COMT: variants seen among roughly 807,000 people sequenced by gnomAD.
The protein encoded by COMT is catechol O-methyltransferase.
Under a neutral mutation model 18.9 loss-of-function variants are expected in COMT, and 13 were observed. The ratio of observed to expected loss-of-function variants is 0.69; its 90% CI spans 0.45 to 1.09. COMT has a LOEUF of 1.09. COMT is among the 50% of genes least tolerant of loss of function. The probability of loss-of-function intolerance (pLI) is 0.00; values close to 1 mark genes in which losing one functional copy is unlikely to be tolerated. For synonymous variants in COMT, 150 were observed against 160.9 expected, an observed-to-expected ratio of 0.93 and a Z score of 0.51; for missense variants, 329 against 361.8, an observed-to-expected ratio of 0.91 and a Z score of 0.73.
chr22:19,963,592 G>A lies in COMT; in HGVS notation c.316G>A (p.Glu106Lys), dbSNP rs1490987788. Reference protein sequence around the residue: ...KGKIVDAVIQEHQPSVLLELG... With the variant: ...KGKIVDAVIQKHQPSVLLELG... The stretch of plus-strand genomic sequence containing the variant: ...CAAGATCGTGGACGCCGTGATTCAG[G>A]AGCACCAGCCCTCCGTGCTGCTGGA... Residue 106 changes from glutamate (E) to lysine (K), a missense_variant, in exon 4 of 6, where the codon GAG becomes AAG. Physicochemically the swap from Glu to Lys is moderately conservative, Grantham distance 56 (BLOSUM62 1). Coordinates refer to ENST00000361682, the MANE Select transcript of COMT (RefSeq NM_000754.4). The A allele has an allele frequency of 2.5e-6, 4 of 1,612,788 alleles. No homozygotes were observed. In the East Asian group the frequency reaches 6.7e-5, roughly 27 times the overall value.
chr22:19,964,022 TAAAGA>T, intron 4 of COMT, 141 bp from the exon 5 acceptor site: 1 of 1,528,906 alleles, frequency 6.5e-7, no homozygotes, highest in Middle Eastern at 1.8e-4. Context: ...CCCAGAACCC[TAAAGA>T]AAACTGATGA....
chr22:19,949,728 A>G (rs907036281), intron 1 of COMT, among the ~76,000 whole-genome samples: 6 of 152,046 alleles, frequency 3.9e-5, no homozygotes, highest in African/African-American at 1.4e-4. Context: ...CCCCTAAAGC[A>G]CTGAGATTAC....
intron 1 of COMT, among the ~76,000 whole-genome samples, chr22:19,959,454 C>T (rs959265698): frequency 6.6e-6 from 1 of 152,226 alleles, no homozygotes; most frequent in African/African-American, 2.4e-5. Context: ...GCGTCCCTCC[C>T]GGCCCAGTGG....
chr22:19,952,389 C>G (rs901391673), intron 1 of COMT, among the ~76,000 whole-genome samples: 1 of 152,128 alleles, frequency 6.6e-6, no homozygotes, highest in Non-Finnish European at 1.5e-5. Context: ...CCTGTAATCC[C>G]AGCACTTTGG....
Position 19,968,521 on chromosome 22 carries a change from C to CCGGTCTG in COMT, c.616-14_616-8dup. 1 of 1,612,582 alleles carries CCGGTCTG rather than the reference C, an allele frequency of 6.2e-7. No individual in the cohort carries two copies. Among genetic ancestry groups the CCGGTCTG allele is most frequent in the Non-Finnish European group, 8.5e-7 (1 of 1,179,444 alleles). On this transcript the variant is annotated splice_polypyrimidine_tract_variant and intron_variant, in intron 5 of 5. Coordinates refer to ENST00000361682, the MANE Select transcript of COMT (RefSeq NM_000754.4). The stretch of plus-strand genomic sequence containing the variant: ...CTCTGACCCTCACCTCCCCCACCCC[C>CCGGTCTG]CGGTCTGTTTGCAGGAATGTGGCCT...
chr22:19,945,129 G>T (rs1440083212), intron 1 of COMT, among the ~76,000 whole-genome samples: 1 of 152,168 alleles, frequency 6.6e-6, no homozygotes, highest in East Asian at 1.9e-4. Flanking sequence ...AGCCTTTCGA[G>T]GTTAGGAAGC....
At chr22:19,962,977 C>A in intron 3 of COMT, 162 bp downstream of exon 3, 1 of 904,374 alleles carries the variant, frequency 1.1e-6, no homozygotes, top group Non-Finnish European at 1.6e-6. Context: ...CCCAGGGTGC[C>A]AGGGTCCCTG....
chr22:19,949,005 C>T (rs1035083308), intron 1 of COMT, among the ~76,000 whole-genome samples: 10 of 149,652 alleles, frequency 6.7e-5, no homozygotes, highest in Admixed American at 2.0e-4. Context: ...TACATAAATC[C>T]ATTCAATGAT....
intron 1 of COMT, 103 bp downstream of exon 1, chr22:19,942,000 G>A (rs1039383716): frequency 2.1e-6 from 1 of 472,558 alleles, no homozygotes. Flanking sequence ...AATTCGGACC[G>A]CTGTGAAGTG....
At chr22:19,944,456 G>A (rs1007256252) in intron 1 of COMT, among the ~76,000 whole-genome samples, 1 of 152,042 alleles carries the variant, frequency 6.6e-6, no homozygotes, top group Non-Finnish European at 1.5e-5. Flanking sequence ...CTTGAACTGG[G>A]AGGTGGGGGG....
Position 19,969,719 on chromosome 22 carries a change from G to A in COMT, c.*983G>A. 1.8e-6 allele frequency: 1 copy of A among 548,542 alleles called. No individual in the cohort carries two copies. The highest frequency in any genetic ancestry group is 2.3e-6 in the Non-Finnish European group (1 of 431,200). The allele number at this position is 548,542 out of a possible 1,614,324, so 34.0% of individuals were successfully genotyped here. A position where few individuals can be genotyped will look rare whatever the true frequency, so the allele number is the denominator to read the frequency against. ...CACTCCTATGGATAGACAGACCAGTGAGCCCAAGTGGACAAGTTTGGGGCC... is the reference window on the plus strand; with the variant it reads ...CACTCCTATGGATAGACAGACCAGTAAGCCCAAGTGGACAAGTTTGGGGCC... On this transcript the variant is annotated 3_prime_UTR_variant, in exon 6 of 6. Transcript: ENST00000361682.
intron 5 of COMT, chr22:19,966,965 C>A: frequency 1.0e-6 from 1 of 985,452 alleles, no homozygotes; most frequent in Non-Finnish European, 1.2e-6. Flanking sequence ...TGCTCAGACG[C>A]TGATGCATGT....
Position 19,944,336 on chromosome 22 carries a change from C to T in COMT, c.-92+2439C>T, listed in dbSNP as rs34937293. The stretch of plus-strand genomic sequence containing the variant: ...CCGAGGTGGGCAAATCACCCGAGTC[C>T]AGAAGTTCGAGACCAGCCTGGCTAA... On this transcript the variant is annotated intron_variant, in intron 1 of 5. Coordinates refer to ENST00000361682, the MANE Select transcript of COMT (RefSeq NM_000754.4). 2.0e-5 allele frequency among the ~76,000 whole-genome samples: 3 copies of T among 151,872 alleles called. No homozygotes were observed. In the East Asian group the frequency reaches 5.8e-4, roughly 29 times the overall value.
At chr22:19,948,237 GC>G (rs1203304519) in intron 1 of COMT, among the ~76,000 whole-genome samples, 2 of 152,130 alleles carry the variant, frequency 1.3e-5, no homozygotes, top group East Asian at 3.8e-4. Context: ...GCGACTTGCT[GC>G]CCACAAAATT....
In COMT at chr22:19,966,988, C is replaced by T. The variant is rs1220538754; in HGVS notation, c.616-1548C>T. 9.7e-5 allele frequency: 96 copies of T among 985,428 alleles called. No homozygotes were observed. The Middle Eastern group carries it at 1.6e-3, about 16-fold the overall frequency. 61.0% of individuals were successfully genotyped at this position (985,428 alleles called of 1,614,324 possible). On this transcript the variant is annotated intron_variant, in intron 5 of 5. Coordinates refer to ENST00000361682, the MANE Select transcript of COMT (RefSeq NM_000754.4). ...CGCTGATGCATGTTTAGCCAGTTCT[C>T]CAGGTGGTCTGAGTAGCTGGTAGGA... is the stretch of plus-strand genomic sequence containing the variant.
chr22:19,948,794 A>C (rs1238819518), intron 1 of COMT, among the ~76,000 whole-genome samples: 1 of 151,886 alleles, frequency 6.6e-6, no homozygotes, highest in East Asian at 1.9e-4. Context: ...ACCTGTACTA[A>C]AAATACAAAA....
chr22:19,963,169 A>T (rs115954975), intron 3 of COMT, among the ~76,000 whole-genome samples: 65 of 152,116 alleles, frequency 4.3e-4, no homozygotes, highest in African/African-American at 1.3e-3. Context: ...GGGGCACAGG[A>T]TGTGTTACCG....
Position 19,969,846 on chromosome 22 carries a change from A to T in COMT, c.*1110A>T. 1.0e-6 allele frequency: 1 copy of T among 985,400 alleles called. No individual in the cohort carries two copies. Among genetic ancestry groups the T allele is most frequent in the Non-Finnish European group, 1.2e-6 (1 of 829,890 alleles). The allele number at this position is 985,400 out of a possible 1,614,324, so 61.0% of individuals were successfully genotyped here. On this transcript the variant is annotated 3_prime_UTR_variant, in exon 6 of 6. Coordinates refer to ENST00000361682, the MANE Select transcript of COMT (RefSeq NM_000754.4). ...CCCAGACGCGCAGAGGCCCGACACA[A>T]GGGAGAAGCCAGCCACTTGTGCCAG... is the stretch of plus-strand genomic sequence containing the variant.
Position 19,968,741 on chromosome 22 carries a change from C to CT in COMT, c.*5_*6insT. 1 of 1,608,456 alleles carries CT rather than the reference C, an allele frequency of 6.2e-7. No homozygotes were observed. The highest frequency in any genetic ancestry group is 8.5e-7 in the Non-Finnish European group (1 of 1,179,370). On this transcript the variant is annotated 3_prime_UTR_variant, in exon 6 of 6. Transcript: ENST00000361682. ...GGCAGCGAAGCAGGGCCCTGACTGCCCCCCCGGCCCCCCTCTCGGGCTCTC... is the reference window on the plus strand; with the variant it reads ...GGCAGCGAAGCAGGGCCCTGACTGCCTCCCCCGGCCCCCCTCTCGGGCTCTC...
Sources: gnomAD v4.1 joint callset for allele counts (sites outside exome capture counted in the v4.1 genomes callset) on GRCh38, gnomAD v4.1.1 for gene constraint, MANE v1.5 for transcripts, NCBI Gene and HGNC (gene_info 2026-07-23, HGNC 2026-07-21) for gene names.